DENND1B: variants seen among roughly 807,000 people sequenced by gnomAD.
The protein encoded by DENND1B is DENN domain containing 1B.
DENND1B carries 59 observed loss-of-function variants against 90.1 expected under a neutral mutation model. The observed-to-expected ratio is 0.65, with a 90% confidence interval of 0.53 to 0.81. The LOEUF (loss-of-function observed/expected upper bound fraction) is 0.81. Ranked by LOEUF, DENND1B falls within the 40% of genes least tolerant of loss-of-function variation. DENND1B has a pLI of 0.00. For missense variants in DENND1B, 862 were observed against 912.6 expected, an observed-to-expected ratio of 0.94 and a Z score of 0.71; for synonymous variants, 337 against 324.6, an observed-to-expected ratio of 1.04 and a Z score of -0.41.
chr1:197,701,261 G>A (rs954204993), intron 3 of DENND1B, among the ~76,000 whole-genome samples: 1 of 152,200 alleles, frequency 6.6e-6, no homozygotes, highest in African/African-American at 2.4e-5. Context: ...ACAAAGGAAT[G>A]AGATAATGTC....
At chr1:197,660,939 T>C (rs185744714) in intron 5 of DENND1B, among the ~76,000 whole-genome samples, 2 of 151,994 alleles carry the variant, frequency 1.3e-5, no homozygotes, top group East Asian at 1.9e-4. Flanking sequence ...GGAAGAACAG[T>C]TGTGCAAAGG....
chr1:197,686,309 T>C (rs1452460312), intron 3 of DENND1B, among the ~76,000 whole-genome samples: 1 of 152,142 alleles, frequency 6.6e-6, no homozygotes, highest in East Asian at 1.9e-4. Flanking sequence ...GAATGACTAA[T>C]TTATAAAAGC....
At position 197,510,662 on chromosome 1, in the gene DENND1B, T is replaced by G; in HGVS notation, c.2126A>C (p.Gln709Pro). ...GGGTATAAGCAGATCATCTGAAATC[T>G]GGCTTAGTGTTTCCCTCTTTTCTGT... Reference protein sequence around the residue: ...GKTEKRETLSQISDDLLIPGL... With the variant: ...GKTEKRETLSPISDDLLIPGL... Residue 709 changes from glutamine (Q) to proline (P), a missense_variant, in exon 23 of 23, where the codon CAG (glutamine) becomes CCG (proline). Transcript: ENST00000620048. 1.9e-6 allele frequency: 3 copies of G among 1,612,868 alleles called. No homozygotes were observed. The highest frequency in any genetic ancestry group is 1.7e-6 in the Non-Finnish European group (2 of 1,179,242).
At chr1:197,750,224 A>G (rs1653289600) in intron 2 of DENND1B, among the ~76,000 whole-genome samples, 1 of 152,062 alleles carries the variant, frequency 6.6e-6, no homozygotes, top group Non-Finnish European at 1.5e-5. Context: ...ATATAAGTGA[A>G]CTCTTGGAAG....
At chr1:197,770,352 T>C (rs1656267486) in intron 2 of DENND1B, among the ~76,000 whole-genome samples, 1 of 151,946 alleles carries the variant, frequency 6.6e-6, no homozygotes. Context: ...CAAGGTGTAA[T>C]ATTAAAGCAG....
intron 2 of DENND1B, among the ~76,000 whole-genome samples, chr1:197,755,924 T>G (rs1052935488): frequency 1.3e-5 from 2 of 152,048 alleles, no homozygotes; most frequent in African/African-American, 4.8e-5. Context: ...CCACAACATG[T>G]GGGAATTATG....
chr1:197,614,700 T>C (rs1359209924), intron 11 of DENND1B, among the ~76,000 whole-genome samples: 2 of 150,880 alleles, frequency 1.3e-5, no homozygotes, highest in Non-Finnish European at 3.0e-5. Flanking sequence ...ACACAGACTA[T>C]AACAGCAGTC....
chr1:197,563,946 T>C (rs1227861747), intron 15 of DENND1B, among the ~76,000 whole-genome samples: 3 of 151,914 alleles, frequency 2.0e-5, no homozygotes, highest in African/African-American at 4.8e-5. Flanking sequence ...GCAGATGTGA[T>C]GGAAACAGCA....
rs759115681 is a variant in DENND1B, at chr1:197,529,264, GTGTGTATATGTA to G, written c.1515+10688_1515+10699del. 9.5e-3 allele frequency among the ~76,000 whole-genome samples: 500 copies of G among 52,552 alleles called. 2 individuals are homozygous for G. Among genetic ancestry groups the G allele is most frequent in the East Asian group, 0.015 (15 of 1,016 alleles). 34.5% of individuals were successfully genotyped at this position (52,552 alleles called of 152,430 possible). Reference sequence around the variant, plus strand: ...TATATGTGTGTGTGTGTGTGTGTGTGTGTGTATATGTATATATGTATATATATGTATATATGT... The same window carrying G: ...TATATGTGTGTGTGTGTGTGTGTGTGTATATGTATATATATGTATATATGT... On this transcript the variant is annotated intron_variant, in intron 20 of 22. Transcript: ENST00000620048.
rs79965378 is a variant in DENND1B, at chr1:197,568,298, A to G, written c.1149+14854T>C. Among the ~76,000 whole-genome samples the G allele has an allele frequency of 5.4e-3, 824 of 152,248 alleles. 3 individuals are homozygous for G. The highest frequency in any genetic ancestry group is 0.019 in the African/African-American group (793 of 41,560). On this transcript the variant is annotated intron_variant, in intron 15 of 22. Transcript: ENST00000620048. ...GGAATAAAATTAACCAAAGAAGTGAAAGACCTATACAATGAAAGCTATAAC... is the reference window on the plus strand; with the variant it reads ...GGAATAAAATTAACCAAAGAAGTGAGAGACCTATACAATGAAAGCTATAAC...
intron 7 of DENND1B, among the ~76,000 whole-genome samples, chr1:197,647,515 A>G (rs1303766386): frequency 6.6e-6 from 1 of 152,214 alleles, no homozygotes; most frequent in Non-Finnish European, 1.5e-5. Context: ...AGCTGAAGAT[A>G]AGTGTCCTAG....
chr1:197,699,104 C>CA (rs1203523247), intron 3 of DENND1B, among the ~76,000 whole-genome samples: 1 of 151,804 alleles, frequency 6.6e-6, no homozygotes, highest in Admixed American at 6.6e-5. Flanking sequence ...AAGAGACACA[C>CA]AAAAAAAGGG....
At position 197,732,005 on chromosome 1, in the gene DENND1B, C is replaced by G. The variant is rs571339284; in HGVS notation, c.83-16931G>C. Among the ~76,000 whole-genome samples the G allele has an allele frequency of 1.9e-4, 29 of 152,172 alleles. 1 individual carries two copies. Reference sequence around the variant, plus strand: ...TATCACTTTATTCATCATTGTAAGGCGAGATGGAAAAAATGCTGAGATACT... The same window carrying G: ...TATCACTTTATTCATCATTGTAAGGGGAGATGGAAAAAATGCTGAGATACT... On this transcript the variant is annotated intron_variant, in intron 2 of 22. Transcript: ENST00000620048.
Position 197,545,078 on chromosome 1 carries a change from GA to G in DENND1B, c.1350+843del, listed in dbSNP as rs1388621069. On this transcript the variant is annotated intron_variant, in intron 18 of 22. Transcript: ENST00000620048. ...AGAAGAAGAAGAAGAAGAATTCCAA[GA>G]AAAATCTTGGAATGTTTTAAGAAAG... 5.9e-3 allele frequency among the ~76,000 whole-genome samples: 871 copies of G among 147,948 alleles called. 13 individuals are homozygous for G. The highest frequency in any genetic ancestry group is 0.02 in the African/African-American group (815 of 40,810).
intron 20 of DENND1B, among the ~76,000 whole-genome samples, chr1:197,525,723 TAATA>T: frequency 6.6e-6 from 1 of 152,228 alleles, no homozygotes; most frequent in East Asian, 1.9e-4. Flanking sequence ...TTTACCATAT[TAATA>T]TATAATGAAC....
intron 13 of DENND1B, among the ~76,000 whole-genome samples, chr1:197,600,716 TAAAC>T (rs764169521): frequency 2.6e-5 from 4 of 151,622 alleles, no homozygotes; most frequent in East Asian, 1.9e-4. Flanking sequence ...TAAAGGATAA[TAAAC>T]AAACAGTATA....
At chr1:197,583,090 T>C (rs1355388045) in intron 15 of DENND1B, 62 bp downstream of exon 15, 3 of 1,439,080 alleles carry the variant, frequency 2.1e-6, no homozygotes, top group East Asian at 2.3e-5. Context: ...TTTATAGTAA[T>C]ACAAATGTGT....
chr1:197,681,431 AT>A (rs1242274829), intron 3 of DENND1B, among the ~76,000 whole-genome samples: 1 of 152,140 alleles, frequency 6.6e-6, no homozygotes, highest in Non-Finnish European at 1.5e-5. Context: ...GATATTTTCA[AT>A]TTAAGGGGGA....
chr1:197,592,362 C>T (rs1169474754), intron 14 of DENND1B, among the ~76,000 whole-genome samples: 2 of 152,150 alleles, frequency 1.3e-5, no homozygotes, highest in Non-Finnish European at 2.9e-5. Context: ...CCTATCAATG[C>T]CTGGCATCCA....
Sources: gnomAD v4.1 joint callset for allele counts (sites outside exome capture counted in the v4.1 genomes callset) on GRCh38, gnomAD v4.1.1 for gene constraint, MANE v1.5 for transcripts, NCBI Gene and HGNC (gene_info 2026-07-23, HGNC 2026-07-21) for gene names.